The following EML6 variants were observed in gnomAD, a reference collection of about 807,000 sequenced individuals.
EML6 encodes EMAP like 6.
In EML6, 154 loss-of-function variants were observed where a neutral mutation model predicts 240.1. The observed-to-expected ratio is 0.64, with a 90% CI of 0.56 to 0.73. The LOEUF is 0.73. EML6 is among the 30% of genes least tolerant of loss of function. The probability of loss-of-function intolerance (pLI) is 0.00; values close to 1 mark genes in which losing one functional copy is unlikely to be tolerated. For missense variants in EML6, 2,964 were observed against 2,474.6 expected (o/e 1.20, Z -4.20); for synonymous variants, 1,148 against 899.0 (o/e 1.28, Z -4.95).
At chr2:54,871,329 C>T (rs79838196) in intron 15 of EML6, among the ~76,000 whole-genome samples, 171 bp from the exon 16 acceptor site, 9 of 152,198 alleles carry the variant, frequency 5.9e-5, no homozygotes, top group African/African-American at 2.2e-4. Context: ...AGATACAGTG[C>T]CTCAGTTTCC....
intron 2 of EML6, among the ~76,000 whole-genome samples, chr2:54,735,800 G>T (rs924743332): frequency 5.9e-5 from 9 of 152,346 alleles, no homozygotes; most frequent in Middle Eastern, 3.4e-3. Flanking sequence ...GTGTTTATAA[G>T]AGGGAAGTGA....
chr2:54,878,985 G>A (rs904866277), intron 16 of EML6, among the ~76,000 whole-genome samples: 1 of 152,078 alleles, frequency 6.6e-6, no homozygotes, highest in Non-Finnish European at 1.5e-5. Flanking sequence ...ATTTGAAATA[G>A]GGAACATAAA....
chr2:54,929,665 G>C (rs1363247560), intron 28 of EML6, among the ~76,000 whole-genome samples: 1 of 150,836 alleles, frequency 6.6e-6, no homozygotes, highest in Non-Finnish European at 1.5e-5. Flanking sequence ...TTACTATTAT[G>C]TGGGGTTTTA....
chr2:54,968,675 A>G lies in EML6; in HGVS notation c.5759A>G (p.His1920Arg), dbSNP rs1171248531. The G allele has an allele frequency of 5.8e-6, 9 of 1,549,772 alleles. No homozygotes were observed. The highest frequency in any genetic ancestry group is 1.4e-5 in the African/African-American group (1 of 73,004). The stretch of plus-strand genomic sequence containing the variant: ...ATTCACTTTTGCTCACAGGCCAAAC[A>G]TAAGCGATACTTCGGTCACTCGGCT... ...DFPCTEKFAK[H>R]KRYFGHSAHV... Residue 1920 changes from histidine (H) to arginine (R), a missense_variant, in exon 41 of 42, where the codon CAT becomes CGT. Physicochemically the swap from His to Arg is conservative, Grantham distance 29. Coordinates refer to ENST00000356458, the MANE Select transcript of EML6 (RefSeq NM_001039753.4).
intron 28 of EML6, among the ~76,000 whole-genome samples, chr2:54,929,055 G>A (rs899619231): frequency 2.6e-5 from 4 of 152,210 alleles, no homozygotes; most frequent in African/African-American, 9.7e-5. Context: ...CCCCAAAGCA[G>A]TCCTGACTGT....
At chr2:54,843,956 T>G in intron 7 of EML6, 91 bp from the exon 8 acceptor site, 4 of 832,000 alleles carry the variant, frequency 4.8e-6, no homozygotes, top group Non-Finnish European at 1.8e-6. Context: ...GGCATTTACT[T>G]TAGGGTTTTG....
intron 7 of EML6, among the ~76,000 whole-genome samples, chr2:54,842,345 A>G (rs1669505035): frequency 6.6e-6 from 1 of 152,252 alleles, no homozygotes; most frequent in Non-Finnish European, 1.5e-5. Flanking sequence ...TTTCAACATA[A>G]GAAAGCTGCT....
chr2:54,743,194 T>A (rs765237457), intron 2 of EML6, among the ~76,000 whole-genome samples: 1 of 152,204 alleles, frequency 6.6e-6, no homozygotes, highest in African/African-American at 2.4e-5. Context: ...CAGGACGCAG[T>A]CACGTCGCAG....
intron 2 of EML6, among the ~76,000 whole-genome samples, chr2:54,750,816 C>G (rs1237535548): frequency 6.6e-6 from 1 of 152,048 alleles, no homozygotes; most frequent in African/African-American, 2.4e-5. Context: ...GTAATGTGAC[C>G]ATTTTAGACA....
At chr2:54,926,878 C>T (rs534182420) in intron 26 of EML6, among the ~76,000 whole-genome samples, 11 of 152,142 alleles carry the variant, frequency 7.2e-5, no homozygotes, top group Non-Finnish European at 1.3e-4. Context: ...TTTTTCTTGC[C>T]ATCTAGAAAC....
At chr2:54,866,092 G>A (rs1573029649) in intron 13 of EML6, among the ~76,000 whole-genome samples, 1 of 152,120 alleles carries the variant, frequency 6.6e-6, no homozygotes, top group African/African-American at 2.4e-5. Flanking sequence ...ATCCTAAACA[G>A]GGGCCTTATA....
intron 7 of EML6, among the ~76,000 whole-genome samples, chr2:54,843,496 CTT>C (rs953455464): frequency 2.3e-4 from 35 of 152,094 alleles, no homozygotes; most frequent in African/African-American, 8.5e-4. Context: ...AGCAGCCACT[CTT>C]TTGCAAACTA....
chr2:54,804,454 A>G (rs1024451094), intron 2 of EML6, among the ~76,000 whole-genome samples: 10 of 152,220 alleles, frequency 6.6e-5, no homozygotes, highest in African/African-American at 2.4e-4. Context: ...CAAAGAATGC[A>G]CTGTAAGACT....
chr2:54,748,669 C>T (rs141647913), intron 2 of EML6, among the ~76,000 whole-genome samples: 141 of 152,228 alleles, frequency 9.3e-4, no homozygotes, highest in African/African-American at 3.1e-3. Context: ...AAATGATCCT[C>T]TCACCCTAGC....
intron 8 of EML6, among the ~76,000 whole-genome samples, chr2:54,845,115 G>T (rs1669678818): frequency 6.6e-6 from 1 of 152,132 alleles, no homozygotes; most frequent in South Asian, 2.1e-4. Context: ...CCCTTATTTT[G>T]TGTGTTTATG....
chr2:54,878,809 GA>G (rs1325401844), intron 16 of EML6, among the ~76,000 whole-genome samples: 1 of 152,154 alleles, frequency 6.6e-6, no homozygotes. Flanking sequence ...TATAATAGAT[GA>G]AGAAAGATAA....
At chr2:54,856,416 C>T (rs192610621) in intron 11 of EML6, among the ~76,000 whole-genome samples, 55 of 152,268 alleles carry the variant, frequency 3.6e-4, no homozygotes, top group Admixed American at 3.1e-3. Context: ...TGCATTACAC[C>T]TCAGCAACCC....
chr2:54,775,538 C>A (rs768267541), intron 2 of EML6, among the ~76,000 whole-genome samples: 1 of 152,224 alleles, frequency 6.6e-6, no homozygotes, highest in African/African-American at 2.4e-5. Context: ...CCTCTTGTCA[C>A]CCTTTATCTC....
chr2:54,813,815 A>G (rs1667965783), intron 3 of EML6, among the ~76,000 whole-genome samples: 1 of 152,214 alleles, frequency 6.6e-6, no homozygotes, highest in African/African-American at 2.4e-5. Context: ...TCCACTGAGA[A>G]GATTATCCTT....
Sources: allele counts gnomAD v4.1 joint callset (sites outside exome capture counted in the v4.1 genomes callset), GRCh38; gene constraint gnomAD v4.1.1; transcripts MANE v1.5; gene names NCBI Gene and HGNC (gene_info 2026-07-23, HGNC 2026-07-21).